The following PDGFC variants were observed in gnomAD, a reference collection of about 807,000 sequenced individuals.
PDGFC encodes the protein platelet-derived growth factor C.
A neutral mutation model predicts 35.5 loss-of-function variants in PDGFC; 12 were observed. The observed-to-expected ratio is 0.34, with a 90% CI of 0.22 to 0.55. PDGFC has a LOEUF of 0.55. Among genes scored for constraint, PDGFC ranks in the 20% least tolerant of loss-of-function variants. The pLI is 0.91. For missense variants in PDGFC, 322 were observed against 412.4 expected (o/e 0.78, Z 1.90); for synonymous variants, 159 against 148.8 (o/e 1.07, Z -0.50).
chr4:156,825,287 G>A (rs957327581), intron 2 of PDGFC, among the ~76,000 whole-genome samples: 2 of 151,484 alleles, frequency 1.3e-5, no homozygotes, highest in Admixed American at 6.6e-5. Context: ...GGTGACTCAC[G>A]TCTGTAATCC....
At chr4:156,771,308 T>C (rs1730686365) in intron 4 of PDGFC, among the ~76,000 whole-genome samples, 2 of 152,144 alleles carry the variant, frequency 1.3e-5, no homozygotes, top group African/African-American at 4.8e-5. Flanking sequence ...GTTTAGAACC[T>C]GATTCACTGC....
At chr4:156,834,692 G>T (rs1729021606) in intron 2 of PDGFC, among the ~76,000 whole-genome samples, 1 of 152,130 alleles carries the variant, frequency 6.6e-6, no homozygotes, top group Non-Finnish European at 1.5e-5. Context: ...GCTTACTTGA[G>T]ATTTGAAAAT....
At chr4:156,848,908 T>A (rs1355577867) in intron 2 of PDGFC, among the ~76,000 whole-genome samples, 2 of 151,952 alleles carry the variant, frequency 1.3e-5, no homozygotes, top group Non-Finnish European at 2.9e-5. Flanking sequence ...CTAATAATAC[T>A]CCAGTGACTG....
At chr4:156,773,178 T>C (rs1302575244) in intron 3 of PDGFC, among the ~76,000 whole-genome samples, 2 of 152,220 alleles carry the variant, frequency 1.3e-5, no homozygotes, top group African/African-American at 2.4e-5. Flanking sequence ...CATGGTTCAA[T>C]TACAAACTTA....
At chr4:156,794,818 T>C (rs142637523) in intron 3 of PDGFC, among the ~76,000 whole-genome samples, 31 of 152,240 alleles carry the variant, frequency 2.0e-4, no homozygotes, top group African/African-American at 6.0e-4. Flanking sequence ...TTGTCAAGCA[T>C]ATTACTAGCT....
intron 1 of PDGFC, among the ~76,000 whole-genome samples, chr4:156,884,057 T>G (rs1206468424): frequency 1.3e-5 from 2 of 152,138 alleles, no homozygotes; most frequent in African/African-American, 4.8e-5. Context: ...CAACTATTCT[T>G]CTCTGGATCC....
chr4:156,787,865 C>CA (rs1731172180), intron 3 of PDGFC, among the ~76,000 whole-genome samples: 1 of 151,638 alleles, frequency 6.6e-6, no homozygotes, highest in Non-Finnish European at 1.5e-5. Flanking sequence ...CTCCTTGTGA[C>CA]AGAGAAAAAA....
chr4:156,858,649 C>G (rs983223096), intron 1 of PDGFC, among the ~76,000 whole-genome samples: 3 of 152,020 alleles, frequency 2.0e-5, no homozygotes, highest in Non-Finnish European at 4.4e-5. Context: ...GTAATCAACT[C>G]TCTTATTGAA....
At chr4:156,773,171 G>A (rs1730734196) in intron 3 of PDGFC, among the ~76,000 whole-genome samples, 1 of 152,042 alleles carries the variant, frequency 6.6e-6, no homozygotes, top group Admixed American at 6.6e-5. Context: ...ATATCTTCAT[G>A]GTTCAATTAC....
chr4:156,969,950 A>G (rs1219247037), intron 1 of PDGFC, among the ~76,000 whole-genome samples: 1 of 152,218 alleles, frequency 6.6e-6, no homozygotes, highest in African/African-American at 2.4e-5. Context: ...TAGAAATTGA[A>G]TGATGTAAAT....
intron 3 of PDGFC, among the ~76,000 whole-genome samples, chr4:156,780,459 A>G (rs1360280987): frequency 6.6e-6 from 1 of 152,194 alleles, no homozygotes; most frequent in African/African-American, 2.4e-5. Context: ...TATTTATTCA[A>G]TGTATCACTC....
chr4:156,768,183 A>G (rs1224013575), intron 4 of PDGFC, among the ~76,000 whole-genome samples, 193 bp from the exon 5 acceptor site: 1 of 152,050 alleles, frequency 6.6e-6, no homozygotes, highest in Non-Finnish European at 1.5e-5. Flanking sequence ...ATAGCAAACA[A>G]AGCTTCATTA....
intron 3 of PDGFC, among the ~76,000 whole-genome samples, chr4:156,793,365 G>A (rs1731346982): frequency 6.6e-6 from 1 of 151,486 alleles, no homozygotes; most frequent in African/African-American, 2.4e-5. Context: ...ACTCTTTCAT[G>A]TACAAATGAT....
At chr4:156,823,637 G>A (rs543717831) in intron 2 of PDGFC, among the ~76,000 whole-genome samples, 1 of 152,146 alleles carries the variant, frequency 6.6e-6, no homozygotes, top group Non-Finnish European at 1.5e-5. Context: ...CATTGCTGGT[G>A]GGAATGTAAA....
chr4:156,876,973 T>G (rs1730130283), intron 1 of PDGFC, among the ~76,000 whole-genome samples: 1 of 152,126 alleles, frequency 6.6e-6, no homozygotes, highest in Non-Finnish European at 1.5e-5. Context: ...ATTCTGCTTT[T>G]CAACAGTCAA....
intron 5 of PDGFC, among the ~76,000 whole-genome samples, 162 bp downstream of exon 5, chr4:156,767,611 G>T (rs765699285): frequency 6.6e-6 from 1 of 151,896 alleles, no homozygotes; most frequent in Non-Finnish European, 1.5e-5. Context: ...TTAATTAAAG[G>T]TGCTAATTTT....
At position 156,788,510 on chromosome 4, in the gene PDGFC, T is replaced by C. The variant is rs143674219; in HGVS notation, c.496-15617A>G. ...CTTACTTGAACTGAGCAATTGGCTG[T>C]CTTCACAATGAATTCAATGCTGCTT... On this transcript the variant is annotated intron_variant, in intron 3 of 5. Transcript: ENST00000502773. Among the ~76,000 whole-genome samples the C allele has an allele frequency of 1.2e-4, 18 of 152,338 alleles. No individual in the cohort carries two copies. In the East Asian group the frequency reaches 2.9e-3, roughly 24 times the overall value.
intron 1 of PDGFC, among the ~76,000 whole-genome samples, chr4:156,909,244 T>C (rs1560868439): frequency 1.3e-5 from 2 of 152,182 alleles, no homozygotes; most frequent in Admixed American, 6.5e-5. Context: ...TGGGTAATTT[T>C]ATGGTATGTG....
intron 2 of PDGFC, among the ~76,000 whole-genome samples, chr4:156,819,598 A>G (rs1230909484): frequency 2.6e-5 from 4 of 152,214 alleles, no homozygotes; most frequent in Admixed American, 2.6e-4. Flanking sequence ...TCAAAATATT[A>G]CTGCTCATTT....
Sources: allele counts gnomAD v4.1 joint callset (sites outside exome capture counted in the v4.1 genomes callset), GRCh38; gene constraint gnomAD v4.1.1; transcripts MANE v1.5; gene names NCBI Gene and HGNC (gene_info 2026-07-23, HGNC 2026-07-21).